The following HMCN2 variants were observed in gnomAD, a reference collection of about 807,000 sequenced individuals.
HMCN2 encodes hemicentin 2, also known as hemicentin-2.
In HMCN2, 325 loss-of-function variants were observed where a neutral mutation model predicts 377.5. The observed-to-expected ratio is 0.86, with a 90% CI of 0.79 to 0.94. The LOEUF is 0.94. HMCN2 is among the 40% of genes least tolerant of loss of function. The pLI is 0.00. For synonymous variants in HMCN2, 2,007 were observed against 2,046.8 expected (o/e 0.98, Z 0.53); for missense variants, 4,543 against 4,725.3 (o/e 0.96, Z 1.13).
chr9:130,428,223 A>C lies in HMCN2; in HGVS notation c.14066-135A>C, dbSNP rs1844506248. The C allele has an allele frequency of 1.0e-6, 1 of 1,003,002 alleles. No individual in the cohort carries two copies. The highest frequency in any genetic ancestry group is 3.0e-5 in the Admixed American group (1 of 33,146). The allele number at this position is 1,003,002 out of a possible 1,614,324, so 62.1% of individuals were successfully genotyped here. ...CAAGACAATGGAAAGAGCTAGCAGA[A>C]GGGGTGGGGACCTTCCTGCCAGTGG... On this transcript the variant is annotated intron_variant, in intron 92 of 97. Coordinates refer to ENST00000683500, the MANE Select transcript of HMCN2 (RefSeq NM_001291815.2). This position sits in a 1 kb window ranked among gnomAD's most constrained non-coding sequence, Gnocchi z 5.0.
At position 130,307,015 on chromosome 9, in the gene HMCN2, A is replaced by G. The variant is rs945163841; in HGVS notation, c.2086+77A>G. 11 of 406,346 alleles carry G rather than the reference A, an allele frequency of 2.7e-5. 1 individual carries two copies. Among genetic ancestry groups the G allele is most frequent in the East Asian group, 2.2e-4 (3 of 13,550 alleles). The allele number at this position is 406,346 out of a possible 1,614,324, so 25.2% of individuals were successfully genotyped here. A position where few individuals can be genotyped will look rare whatever the true frequency, so the allele number is the denominator to read the frequency against. On this transcript the variant is annotated intron_variant, in intron 13 of 97. Transcript: ENST00000683500. ...TCCTCCCTCCCTCCCATCCATCAGT[A>G]TTTATGGAGCATTTACCTGTCACGC...
At chr9:130,354,699 G>C (rs1179619082) in intron 31 of HMCN2, 64 bp from the exon 32 acceptor site, 3 of 1,219,750 alleles carry the variant, frequency 2.5e-6, no homozygotes, top group Non-Finnish European at 1.1e-6. Context: ...GGCCTGTTGG[G>C]CTGAGATGAG....
Position 130,397,589 on chromosome 9 carries a change from C to A in HMCN2, c.11260C>A (p.His3754Asn), listed in dbSNP as rs1422072992. 1 of 1,289,736 alleles carries A rather than the reference C, an allele frequency of 7.8e-7. No homozygotes were observed. Among genetic ancestry groups the A allele is most frequent in the Non-Finnish European group, 1.0e-6 (1 of 988,890 alleles). The allele number at this position is 1,289,736 out of a possible 1,614,324, so 79.9% of individuals were successfully genotyped here. Reference protein sequence around the residue: ...IQPVLAQDAGHYLCLASNSAG... With the variant: ...IQPVLAQDAGNYLCLASNSAG... ...GCCAGTCCTTGCCCAGGACGCCGGCCACTACCTCTGCCTGGCATCCAACTC... is the reference window on the plus strand; with the variant it reads ...GCCAGTCCTTGCCCAGGACGCCGGCAACTACCTCTGCCTGGCATCCAACTC... Residue 3754 changes from histidine to asparagine, a missense_variant, in exon 74 of 98, where the codon CAC becomes AAC. By Grantham distance (68) the His-to-Asn change is moderately conservative (BLOSUM62 1). This residue lies in a region of HMCN2 where 1,073 missense variants were observed against 1,319.5 expected (regional missense o/e 0.81). Transcript: ENST00000683500.
In HMCN2 at chr9:130,390,964, C is replaced by G. The variant is rs1228166310; in HGVS notation, c.9524-13C>G. 6 of 986,460 alleles carry G rather than the reference C, an allele frequency of 6.1e-6. No individual in the cohort carries two copies. The South Asian group carries it at 1.4e-4, about 23-fold the overall frequency. The allele number at this position is 986,460 out of a possible 1,614,324, so 61.1% of individuals were successfully genotyped here. On this transcript the variant is annotated splice_polypyrimidine_tract_variant and intron_variant, in intron 62 of 97. Coordinates refer to ENST00000683500, the MANE Select transcript of HMCN2 (RefSeq NM_001291815.2). ...AGGGGCTGGGGGATTCAGGGGACCCCTCTGTCCCACAGAGAGCAGCGCGGT... is the reference window on the plus strand; with the variant it reads ...AGGGGCTGGGGGATTCAGGGGACCCGTCTGTCCCACAGAGAGCAGCGCGGT...
At chr9:130,417,992 C>G (rs541324528) in intron 85 of HMCN2, among the ~76,000 whole-genome samples, 1 of 152,166 alleles carries the variant, frequency 6.6e-6, no homozygotes, top group African/African-American at 2.4e-5. Flanking sequence ...AGCATCATCC[C>G]CATATTTCAG....
At chr9:130,359,474 T>C in intron 37 of HMCN2, 60 bp downstream of exon 37, 2 of 918,602 alleles carry the variant, frequency 2.2e-6, no homozygotes, top group Non-Finnish European at 3.1e-6. Flanking sequence ...CTAATGAGGC[T>C]GGCGAGTGAC....
In HMCN2 at chr9:130,268,982, G is replaced by A. The variant is rs561700003; in HGVS notation, c.259+2845G>A. ...AGGCCTGGCTGTGCCTTTTGAATCA[G>A]CAAATAGAATCCCCTTTGGTGGAAG... is the stretch of plus-strand genomic sequence containing the variant. On this transcript the variant is annotated intron_variant, in intron 1 of 97. Coordinates refer to ENST00000683500, the MANE Select transcript of HMCN2 (RefSeq NM_001291815.2). 4.0e-5 allele frequency among the ~76,000 whole-genome samples: 6 copies of A among 148,984 alleles called. 1 individual carries two copies. In the South Asian group the frequency reaches 8.7e-4, roughly 22 times the overall value.
At chr9:130,295,493 C>A (rs570732518) in intron 5 of HMCN2, among the ~76,000 whole-genome samples, 173 bp from the exon 6 acceptor site, 1 of 152,174 alleles carries the variant, frequency 6.6e-6, no homozygotes, top group South Asian at 2.1e-4. Flanking sequence ...CCCTGGGGAT[C>A]CCTGAGGGTG....
intron 1 of HMCN2, among the ~76,000 whole-genome samples, chr9:130,283,921 G>A (rs1835277868): frequency 6.6e-6 from 1 of 151,842 alleles, no homozygotes; most frequent in African/African-American, 2.4e-5. Context: ...ATTTCTCTTG[G>A]GGACATACCT....
At chr9:130,275,854 T>TTGGAGGCCTGGAGGCC (rs11280762) in intron 1 of HMCN2, among the ~76,000 whole-genome samples, 4 of 151,034 alleles carry the variant, frequency 2.6e-5, no homozygotes, top group Middle Eastern at 3.5e-3. Context: ...ACGTCCCTCC[T>TTGGAGGCCTGGAGGCC]TGGAGGCCTG....
chr9:130,425,237 C>T lies in HMCN2; in HGVS notation c.13641+107C>T, dbSNP rs149642148. 4.5e-5 allele frequency: 56 copies of T among 1,256,354 alleles called. No individual in the cohort carries two copies. The African/African-American group carries it at 5.0e-4, about 11-fold the overall frequency. The allele number at this position is 1,256,354 out of a possible 1,614,324, so 77.8% of individuals were successfully genotyped here. ...CCAGGCCCACTCTCCCTTCTGACAG[C>T]GCTGCAGGGCTGGGTCACAGTCTAG... is the stretch of plus-strand genomic sequence containing the variant. On this transcript the variant is annotated intron_variant, in intron 89 of 97. Transcript: ENST00000683500.
intron 29 of HMCN2, 49 bp downstream of exon 29, chr9:130,349,712 G>A (rs1293145504): frequency 2.3e-6 from 3 of 1,283,568 alleles, no homozygotes; most frequent in Non-Finnish European, 3.1e-6. Flanking sequence ...CCCAGACTCA[G>A]CCTGCTGGAT....
intron 86 of HMCN2, chr9:130,419,352 T>G: frequency 3.9e-6 from 1 of 254,406 alleles, no homozygotes; most frequent in Non-Finnish European, 7.4e-6. Flanking sequence ...GACAAGGGCA[T>G]CCCCGGTGCC....
rs151281614 is a variant in HMCN2 at position 130,305,049 on chromosome 9, C to T, written c.1816+47C>T. The T allele has an allele frequency of 5.1e-3, 2,280 of 450,098 alleles. 13 individuals are homozygous for T. Among genetic ancestry groups the T allele is most frequent in the Middle Eastern group, 7.0e-3 (21 of 3,004 alleles). 27.9% of individuals were successfully genotyped at this position (450,098 alleles called of 1,614,324 possible). A position where few individuals can be genotyped will look rare whatever the true frequency, so the allele number is the denominator to read the frequency against. On this transcript the variant is annotated intron_variant, in intron 11 of 97. Transcript: ENST00000683500. ...CTGTTCCCCTAATTCAACACGTGAC[C>T]TGGTGTTTACCCCAGAAGCCGCGAG...
At position 130,388,502 on chromosome 9, in the gene HMCN2, C is replaced by T. The variant is rs201197536; in HGVS notation, c.9485C>T (p.Ala3162Val). The T allele has an allele frequency of 1.8e-4, 180 of 988,100 alleles. No homozygotes were observed. The South Asian group carries it at 2.6e-3, about 14-fold the overall frequency. The allele number at this position is 988,100 out of a possible 1,614,324, so 61.2% of individuals were successfully genotyped here. ...ACCTGTGATGTGTCCGGGGTCCCTG[C>T]ACCCACGGTCACTTGGCTGAAGGAC... ...VLTCDVSGVP[A>V]PTVTWLKDRM... Residue 3162 changes from alanine to valine, a missense_variant, in exon 62 of 98, where the codon GCA (alanine) becomes GTA (valine). Around this residue, in one of 5 missense-constraint regions of HMCN2, gnomAD observed 736 missense variants for 773.2 expected, o/e 0.95. Coordinates refer to ENST00000683500, the MANE Select transcript of HMCN2 (RefSeq NM_001291815.2).
At chr9:130,310,544 T>C (rs1837188566) in intron 15 of HMCN2, among the ~76,000 whole-genome samples, 1 of 152,174 alleles carries the variant, frequency 6.6e-6, no homozygotes. Flanking sequence ...TGCCCTATTC[T>C]TTTGGTCCCA....
chr9:130,416,906 TTTTA>T (rs1037543310), intron 85 of HMCN2, among the ~76,000 whole-genome samples: 2 of 151,500 alleles, frequency 1.3e-5, no homozygotes, highest in Non-Finnish European at 2.9e-5. Flanking sequence ...ATCACAAGTG[TTTTA>T]TTTATTTATT....
intron 22 of HMCN2, among the ~76,000 whole-genome samples, chr9:130,335,330 A>G (rs1401394768): frequency 1.3e-5 from 2 of 152,132 alleles, no homozygotes; most frequent in African/African-American, 4.8e-5. Flanking sequence ...ATGTCAACAT[A>G]TTTAATTTTT....
At chr9:130,416,330 C>T (rs1427227773) in intron 85 of HMCN2, among the ~76,000 whole-genome samples, 1 of 152,078 alleles carries the variant, frequency 6.6e-6, no homozygotes, top group Non-Finnish European at 1.5e-5. Flanking sequence ...GTCTCAAACT[C>T]CTGACTTAAG....
Sources: allele counts gnomAD v4.1 joint callset (sites outside exome capture counted in the v4.1 genomes callset), GRCh38; gene constraint gnomAD v4.1.1; regional missense constraint gnomAD v4.1.1; non-coding constraint Gnocchi (gnomAD v3.1); transcripts MANE v1.5; gene names NCBI Gene and HGNC (gene_info 2026-07-23, HGNC 2026-07-21).